LRIG1: variants seen among roughly 807,000 people sequenced by gnomAD.
LRIG1 encodes leucine rich repeats and immunoglobulin like domains 1.
LRIG1 carries 48 observed loss-of-function variants against 99.2 expected under a neutral mutation model. The observed-to-expected ratio is 0.48, with a 90% CI of 0.38 to 0.62. LRIG1 has a LOEUF of 0.62. Ranked by LOEUF, LRIG1 falls within the 20% of genes least tolerant of loss-of-function variation. The pLI, the probability that LRIG1 is intolerant of heterozygous loss-of-function variation, is 0.00. For missense variants in LRIG1, 1,646 were observed against 1,434.4 expected (o/e 1.15, Z -2.38); for synonymous variants, 772 against 596.1 (o/e 1.29, Z -4.30).
intron 9 of LRIG1, chr3:66,404,175 A>G (rs1702175315): frequency 8.4e-7 from 1 of 1,193,006 alleles, no homozygotes; most frequent in Non-Finnish European, 1.1e-6. Context: ...AAAAGGTGCA[A>G]AAAGCCACGC....
intron 16 of LRIG1, 128 bp downstream of exon 16, chr3:66,382,145 G>A (rs568406668): frequency 9.6e-5 from 101 of 1,056,628 alleles, no homozygotes; most frequent in South Asian, 4.0e-4. Context: ...TAGTCATACC[G>A]CCTTCTACTT....
intron 1 of LRIG1, among the ~76,000 whole-genome samples, chr3:66,483,749 G>A (rs924919076): frequency 2.6e-5 from 4 of 152,184 alleles, no homozygotes; most frequent in Non-Finnish European, 4.4e-5. Flanking sequence ...TCCAAAACGC[G>A]GCTCCAGCAA....
At chr3:66,449,472 T>C (rs916126205) in intron 3 of LRIG1, among the ~76,000 whole-genome samples, 3 of 152,242 alleles carry the variant, frequency 2.0e-5, no homozygotes, top group African/African-American at 7.2e-5. Flanking sequence ...ACTTCAATGC[T>C]GTCTAATGGA....
intron 1 of LRIG1, among the ~76,000 whole-genome samples, chr3:66,477,797 A>C (rs1426575862): frequency 6.6e-6 from 1 of 152,048 alleles, no homozygotes; most frequent in African/African-American, 2.4e-5. Context: ...GGGGAGGAAG[A>C]GGGGAGAGGA....
In LRIG1 at chr3:66,500,930, AGCGC is replaced by A. The variant is rs138365541; in HGVS notation, c.-527_-524del. ...CGCTGTCCCCACGCCGCGGCCAGAG[AGCGC>A]GCGCGCGCGCGCAGCCTCGGGTTCC... On this transcript the variant is annotated 5_prime_UTR_variant, in exon 1 of 19. Transcript: ENST00000273261. The A allele has an allele frequency of 3.3e-5, 5 of 150,818 alleles. No individual in the cohort carries two copies. The highest frequency in any genetic ancestry group is 2.0e-4 in the East Asian group (1 of 5,068). 9.3% of individuals were successfully genotyped at this position (150,818 alleles called of 1,614,324 possible).
intron 8 of LRIG1, chr3:66,405,794 G>A: frequency 8.4e-7 from 1 of 1,185,324 alleles, no homozygotes; most frequent in Non-Finnish European, 1.1e-6. Context: ...TCCTCCCAAG[G>A]CCTGCAGGGC....
At chr3:66,422,436 T>C (rs1462677846) in intron 3 of LRIG1, among the ~76,000 whole-genome samples, 1 of 152,196 alleles carries the variant, frequency 6.6e-6, no homozygotes, top group Non-Finnish European at 1.5e-5. Flanking sequence ...AGTTCAAAGT[T>C]CCACAAATCT....
chr3:66,399,857 G>A (rs980510557), intron 9 of LRIG1, among the ~76,000 whole-genome samples: 1 of 152,348 alleles, frequency 6.6e-6, no homozygotes. Flanking sequence ...GGCAAGAAGA[G>A]GACAGTAAAA....
chr3:66,488,499 T>C (rs1313766850), intron 1 of LRIG1, among the ~76,000 whole-genome samples: 1 of 150,374 alleles, frequency 6.7e-6, no homozygotes, highest in Non-Finnish European at 1.5e-5. Context: ...TAGCCTGGCT[T>C]GGTGGCAGGC....
chr3:66,441,110 T>C (rs1703524519), intron 3 of LRIG1, among the ~76,000 whole-genome samples: 1 of 152,010 alleles, frequency 6.6e-6, no homozygotes, highest in African/African-American at 2.4e-5. Context: ...GACTCTACAA[T>C]AGGACAGCTA....
At chr3:66,471,129 G>A (rs1700585860) in intron 1 of LRIG1, among the ~76,000 whole-genome samples, 1 of 152,160 alleles carries the variant, frequency 6.6e-6, no homozygotes, top group Non-Finnish European at 1.5e-5. Flanking sequence ...CTGCCACAAA[G>A]GGAATATCAC....
chr3:66,423,309 G>A (rs933937237), intron 3 of LRIG1, among the ~76,000 whole-genome samples: 5 of 152,128 alleles, frequency 3.3e-5, no homozygotes, highest in African/African-American at 4.8e-5. Flanking sequence ...GGTGGCTCAC[G>A]CCTGTAATCC....
chr3:66,469,482 G>A (rs1700548599), intron 1 of LRIG1, among the ~76,000 whole-genome samples: 1 of 152,152 alleles, frequency 6.6e-6, no homozygotes, highest in Non-Finnish European at 1.5e-5. Flanking sequence ...AATAATCAGT[G>A]TGGGCCTCTG....
At chr3:66,398,078 C>T (rs759475321) in intron 11 of LRIG1, 34 bp downstream of exon 11, 2 of 1,532,196 alleles carry the variant, frequency 1.3e-6, no homozygotes, top group South Asian at 2.3e-5. Flanking sequence ...GTCTCCACTA[C>T]CATTAATCAG....
intron 2 of LRIG1, among the ~76,000 whole-genome samples, chr3:66,455,133 C>A (rs937308625): frequency 2.0e-5 from 3 of 152,078 alleles, no homozygotes; most frequent in Admixed American, 6.5e-5. Flanking sequence ...TTAGTAGACA[C>A]GGGGTTTCGT....
At chr3:66,406,399 T>C (rs1029229344) in intron 8 of LRIG1, 68 of 985,280 alleles carry the variant, frequency 6.9e-5, no homozygotes, top group Admixed American at 6.8e-4. Flanking sequence ...TTCCCAGCCT[T>C]GTTATTTGGG....
chr3:66,488,536 CT>C (rs2106916610), intron 1 of LRIG1, among the ~76,000 whole-genome samples: 1 of 151,740 alleles, frequency 6.6e-6, no homozygotes, highest in African/African-American at 2.4e-5. Context: ...CTTTGGGAGG[CT>C]GAGGCAAGAG....
At chr3:66,381,752 T>G in intron 16 of LRIG1, 121 bp from the exon 17 acceptor site, 1 of 1,083,514 alleles carries the variant, frequency 9.2e-7, no homozygotes. Context: ...TTCAGAGCGG[T>G]GGGGCTGCTG....
At chr3:66,397,467 C>A (rs1031604494) in intron 11 of LRIG1, among the ~76,000 whole-genome samples, 10 of 112,910 alleles carry the variant, frequency 8.9e-5, no homozygotes, top group South Asian at 2.8e-4. Flanking sequence ...AAAAAAAAAA[C>A]CAGAAAGGAA....
Sources: allele counts gnomAD v4.1 joint callset (sites outside exome capture counted in the v4.1 genomes callset), GRCh38; gene constraint gnomAD v4.1.1; transcripts MANE v1.5; gene names NCBI Gene and HGNC (gene_info 2026-07-23, HGNC 2026-07-21).